ATP10B: variants seen among roughly 807,000 people sequenced by gnomAD.
The protein encoded by ATP10B is ATPase phospholipid transporting 10B (putative), also known as phospholipid-transporting ATPase VB.
Under a neutral mutation model 141.2 loss-of-function variants are expected in ATP10B, and 122 were observed. The ratio of observed to expected loss-of-function variants is 0.86; its 90% CI spans 0.75 to 1.00. The LOEUF is 1.00. ATP10B is among the 50% of genes least tolerant of loss of function. The probability of loss-of-function intolerance (pLI) is 0.00; values close to 1 mark genes in which losing one functional copy is unlikely to be tolerated. For missense variants in ATP10B, 1,876 were observed against 1,825.3 expected, an observed-to-expected ratio of 1.03 and a Z score of -0.51; for synonymous variants, 685 against 692.0, an observed-to-expected ratio of 0.99 and a Z score of 0.16.
chr5:160,604,043 T>C lies in ATP10B; in HGVS notation c.3161-2A>G. On this transcript the variant is annotated splice_acceptor_variant, in intron 19 of 25. Coordinates refer to ENST00000327245, the MANE Select transcript of ATP10B (RefSeq NM_025153.3). LOFTEE classifies it high-confidence loss of function. ...TGCTTACATCATTTGCTCCATCACC[T>C]GAAAGAGAGGTCATAACGTGTCTTT... The C allele has an allele frequency of 1.9e-6, 3 of 1,613,364 alleles. No homozygotes were observed. Among genetic ancestry groups the C allele is most frequent in the Non-Finnish European group, 2.5e-6 (3 of 1,179,490 alleles).
intron 3 of ATP10B, among the ~76,000 whole-genome samples, chr5:160,706,489 A>G (rs188920652): frequency 4.5e-4 from 68 of 152,316 alleles, no homozygotes; most frequent in African/African-American, 1.5e-3. Context: ...TAGAGTTAAA[A>G]TGAGGTCCCC....
chr5:160,671,950 C>T (rs1313810968), intron 6 of ATP10B, among the ~76,000 whole-genome samples: 1 of 146,388 alleles, frequency 6.8e-6, no homozygotes, highest in Non-Finnish European at 1.5e-5. Context: ...GAACTCCCCA[C>T]TTCTCAAGGC....
At chr5:160,570,644 C>T (rs1199476226) in intron 24 of ATP10B, among the ~76,000 whole-genome samples, 1 of 152,192 alleles carries the variant, frequency 6.6e-6, no homozygotes, top group African/African-American at 2.4e-5. Flanking sequence ...TAAAATCACT[C>T]AACTCACTGG....
chr5:160,605,480 T>G (rs1757329274), intron 19 of ATP10B, among the ~76,000 whole-genome samples: 1 of 152,152 alleles, frequency 6.6e-6, no homozygotes, highest in Admixed American at 6.5e-5. Flanking sequence ...GCTATGGGAG[T>G]GAAGCCAATA....
At chr5:160,635,521 C>A (rs10062688) in intron 11 of ATP10B, among the ~76,000 whole-genome samples, 116,382 of 152,086 alleles carry the variant, frequency 0.77, 45,371 homozygotes, top group Middle Eastern at 0.84. Flanking sequence ...GATTACTCTG[C>A]AAGATGAATG....
At chr5:160,608,120 C>T (rs1295575028) in intron 18 of ATP10B, among the ~76,000 whole-genome samples, 5 of 152,092 alleles carry the variant, frequency 3.3e-5, no homozygotes, top group Admixed American at 1.3e-4. Context: ...GATGTTCCCC[C>T]ACCCTGTGTC....
chr5:160,803,392 C>T (rs576552454), intron 1 of ATP10B, among the ~76,000 whole-genome samples: 1 of 152,098 alleles, frequency 6.6e-6, no homozygotes, highest in Non-Finnish European at 1.5e-5. Context: ...GAAGAGGCTA[C>T]TTGGGCCAGG....
chr5:160,708,293 C>T (rs1489295153), intron 3 of ATP10B, among the ~76,000 whole-genome samples: 7 of 152,134 alleles, frequency 4.6e-5, no homozygotes, highest in South Asian at 2.1e-4. Context: ...CAAATTAACA[C>T]GTGCAGGTAG....
In ATP10B at chr5:160,620,944, T is replaced by G; in HGVS notation, c.1819A>C (p.Ile607Leu). The change falls in exon 15 of 26, where the codon ATC (isoleucine) becomes CTC (leucine). Residue 607 changes from isoleucine (I) to leucine (L), a missense_variant. Transcript: ENST00000327245. ...CCCAGAGCCTTGCTTGAGGGTTTGA[T>G]GGTGACCTTGTGGCCAAAGAAGGAA... ...TTTEPRQRVT[I>L]KPSSKALGTS... 3 of 1,609,744 alleles carry G rather than the reference T, an allele frequency of 1.9e-6. No homozygotes were observed. The highest frequency in any genetic ancestry group is 2.5e-6 in the Non-Finnish European group (3 of 1,177,536).
chr5:160,681,176 C>G (rs187499232), intron 6 of ATP10B, among the ~76,000 whole-genome samples: 109 of 152,304 alleles, frequency 7.2e-4, no homozygotes, highest in Non-Finnish European at 5.7e-4. Context: ...CAAAGAACAT[C>G]TCAACTGACA....
chr5:160,918,990 C>A, the ATP10B span, among the ~76,000 whole-genome samples: 1 of 151,154 alleles, frequency 6.6e-6, no homozygotes. Context: ...CTTTGGGAGG[C>A]CGAGATGGGC....
At chr5:160,674,197 C>T (rs915621831) in intron 6 of ATP10B, among the ~76,000 whole-genome samples, 9 of 152,174 alleles carry the variant, frequency 5.9e-5, no homozygotes, top group East Asian at 1.9e-4. Flanking sequence ...GATAAATACT[C>T]GTTGGCCAGT....
At chr5:160,625,730 A>G (rs1758575351) in intron 13 of ATP10B, among the ~76,000 whole-genome samples, 1 of 152,158 alleles carries the variant, frequency 6.6e-6, no homozygotes, top group Non-Finnish European at 1.5e-5. Context: ...TTTACCCACT[A>G]GTCTGTAAGT....
chr5:160,868,515 A>AT, the ATP10B span, among the ~76,000 whole-genome samples: 4 of 113,432 alleles, frequency 3.5e-5, no homozygotes, highest in East Asian at 2.9e-4. Flanking sequence ...AAGGCATATG[A>AT]ACAGATACAC....
intron 1 of ATP10B, among the ~76,000 whole-genome samples, chr5:160,848,228 A>G (rs1221388612): frequency 6.6e-6 from 1 of 152,196 alleles, no homozygotes; most frequent in Non-Finnish European, 1.5e-5. Flanking sequence ...AGAAGGCCAC[A>G]CAGAAACCTG....
At chr5:160,600,121 T>C (rs976283592) in intron 21 of ATP10B, among the ~76,000 whole-genome samples, 1 of 152,198 alleles carries the variant, frequency 6.6e-6, no homozygotes, top group African/African-American at 2.4e-5. Flanking sequence ...ATACACACTA[T>C]AGATTGTCCT....
intron 7 of ATP10B, among the ~76,000 whole-genome samples, chr5:160,653,721 ATATATAT>A (rs1439859061): frequency 1.6e-5 from 2 of 128,794 alleles, no homozygotes; most frequent in South Asian, 2.3e-4. Context: ...ACATATATAC[ATATATAT>A]TATATATACA....
chr5:160,609,567 C>T (rs1048134046), intron 18 of ATP10B, among the ~76,000 whole-genome samples: 1 of 152,080 alleles, frequency 6.6e-6, no homozygotes, highest in African/African-American at 2.4e-5. Flanking sequence ...TTAGTAAAGA[C>T]AGGGTTTCAC....
rs755505320 is a variant in ATP10B, at chr5:160,589,696, C to A, written c.3646G>T (p.Ala1216Ser). Residue 1216 changes from alanine (A) to serine (S), a missense_variant and splice_region_variant, in exon 24 of 26, where the codon GCC becomes TCC. Coordinates refer to ENST00000327245, the MANE Select transcript of ATP10B (RefSeq NM_025153.3). ...SLICFFIPYL[A>S]YKGSDIDVFT... ...ACATCTATATCAGAGCCCTTATAGG[C>A]CTGCAGAGGAGGAACAGACAGGCAT... The A allele has an allele frequency of 1.6e-5, 25 of 1,610,048 alleles. No homozygotes were observed. In the Admixed American group the frequency reaches 4.2e-4, roughly 27 times the overall value.
Sources: gnomAD v4.1 joint callset for allele counts (sites outside exome capture counted in the v4.1 genomes callset) on GRCh38, gnomAD v4.1.1 for gene constraint, MANE v1.5 for transcripts, NCBI Gene and HGNC (gene_info 2026-07-23, HGNC 2026-07-21) for gene names.